ALCAM: variants seen among roughly 807,000 people sequenced by gnomAD.
ALCAM encodes the protein activated leukocyte cell adhesion molecule.
Under a neutral mutation model 70.9 loss-of-function variants are expected in ALCAM, and 30 were observed. The observed-to-expected ratio is 0.42, with a 90% CI of 0.32 to 0.57. The LOEUF is 0.57. Ranked by LOEUF, ALCAM falls within the 20% of genes least tolerant of loss-of-function variation. The pLI is 0.11. For missense variants in ALCAM, 591 were observed against 695.1 expected, an observed-to-expected ratio of 0.85 and a Z score of 1.68; for synonymous variants, 249 against 242.5, an observed-to-expected ratio of 1.03 and a Z score of -0.25.
chr3:105,497,344 A>G (rs185964689), intron 1 of ALCAM, among the ~76,000 whole-genome samples: 1 of 152,316 alleles, frequency 6.6e-6, no homozygotes, highest in Non-Finnish European at 1.5e-5. Flanking sequence ...ATATTTGTAT[A>G]AATTTCCTAA....
At chr3:105,532,232 C>T (rs1010500868) in intron 4 of ALCAM, among the ~76,000 whole-genome samples, 166 bp downstream of exon 4, 1 of 152,140 alleles carries the variant, frequency 6.6e-6, no homozygotes, top group African/African-American at 2.4e-5. Context: ...ACAACATGCT[C>T]ACAGTCTCAG....
At chr3:105,498,564 C>T (rs1293136834) in intron 1 of ALCAM, among the ~76,000 whole-genome samples, 1 of 151,872 alleles carries the variant, frequency 6.6e-6, no homozygotes, top group African/African-American at 2.4e-5. Flanking sequence ...ATTTTACCTG[C>T]CTTGATATCA....
At chr3:105,456,109 CA>C (rs905452506) in intron 1 of ALCAM, among the ~76,000 whole-genome samples, 8 of 152,008 alleles carry the variant, frequency 5.3e-5, no homozygotes, top group South Asian at 2.1e-4. Flanking sequence ...AACAAACAAA[CA>C]AAAAAGTAGG....
At chr3:105,540,468 G>A (rs2279389) in intron 7 of ALCAM, among the ~76,000 whole-genome samples, 76,209 of 151,740 alleles carry the variant, frequency 0.5, 19,473 homozygotes, top group East Asian at 0.76. Context: ...ACATTGCCCC[G>A]AACACACCTC....
chr3:105,573,230 G>A (rs1408071843), intron 15 of ALCAM, among the ~76,000 whole-genome samples: 2 of 152,158 alleles, frequency 1.3e-5, no homozygotes, highest in African/African-American at 4.8e-5. Flanking sequence ...CAGTGGCTGA[G>A]GCAGGGGAAT....
At chr3:105,469,411 A>G (rs753700194) in intron 1 of ALCAM, among the ~76,000 whole-genome samples, 9 of 151,030 alleles carry the variant, frequency 6.0e-5, no homozygotes, top group African/African-American at 1.9e-4. Flanking sequence ...TCCAGGTGCT[A>G]TGGTGGTTCC....
rs142634475 is a variant in ALCAM at position 105,399,870 on chromosome 3, C to T, written c.73+32389C>T. Among the ~76,000 whole-genome samples the T allele has an allele frequency of 3.7e-3, 559 of 152,246 alleles. 3 individuals carry two copies. Among genetic ancestry groups the T allele is most frequent in the Non-Finnish European group, 6.1e-3 (412 of 68,026 alleles). On this transcript the variant is annotated intron_variant, in intron 1 of 15. Transcript: ENST00000306107. ...GGCCTTAGAATACAGAGCATTCTTA[C>T]CCACTGGCTAAGATTAACTTGGTTA...
At chr3:105,552,697 T>C (rs767614782) in intron 14 of ALCAM, 112 bp downstream of exon 14, 13 of 1,562,078 alleles carry the variant, frequency 8.3e-6, no homozygotes, top group Admixed American at 7.4e-5. Flanking sequence ...ATAAGGAAGA[T>C]GTATCCCCAA....
chr3:105,452,851 GT>G (rs1331390195), intron 1 of ALCAM, among the ~76,000 whole-genome samples: 1 of 152,062 alleles, frequency 6.6e-6, no homozygotes, highest in Non-Finnish European at 1.5e-5. Context: ...TCATATGTTT[GT>G]TGGCTGCATA....
intron 14 of ALCAM, among the ~76,000 whole-genome samples, chr3:105,557,214 T>G (rs1043371567): frequency 1.3e-5 from 2 of 152,128 alleles, no homozygotes; most frequent in African/African-American, 4.8e-5. Context: ...GTCAGACTAA[T>G]TCAAACGTTG....
At chr3:105,516,071 T>C (rs1438966370) in intron 1 of ALCAM, among the ~76,000 whole-genome samples, 1 of 151,982 alleles carries the variant, frequency 6.6e-6, no homozygotes, top group Non-Finnish European at 1.5e-5. Flanking sequence ...ATTGGTTCAA[T>C]AAATAATAAT....
intron 12 of ALCAM, 145 bp from the exon 13 acceptor site, chr3:105,551,999 A>C: frequency 1.9e-6 from 1 of 526,842 alleles, no homozygotes. Context: ...ATACTTTATT[A>C]AGTGTGATTT....
chr3:105,523,947 T>A (rs1163771653), intron 2 of ALCAM, among the ~76,000 whole-genome samples: 2 of 152,228 alleles, frequency 1.3e-5, no homozygotes, highest in Admixed American at 1.3e-4. Flanking sequence ...GATGGTTATC[T>A]GAACATCATT....
intron 1 of ALCAM, among the ~76,000 whole-genome samples, chr3:105,426,546 C>T (rs1936795311): frequency 1.3e-5 from 2 of 151,744 alleles, no homozygotes; most frequent in South Asian, 4.1e-4. Context: ...ATATGGAATA[C>T]ATTATTGTAT....
intron 1 of ALCAM, among the ~76,000 whole-genome samples, chr3:105,476,046 T>G (rs979891745): frequency 3.9e-5 from 6 of 152,012 alleles, no homozygotes; most frequent in African/African-American, 1.4e-4. Flanking sequence ...CGAAAATGAT[T>G]CCTCCTAAGA....
chr3:105,493,245 T>C (rs1297784320), intron 1 of ALCAM, among the ~76,000 whole-genome samples: 1 of 152,154 alleles, frequency 6.6e-6, no homozygotes, highest in Non-Finnish European at 1.5e-5. Context: ...CCCTAAATAA[T>C]AACTAAGTTA....
At chr3:105,521,951 C>T (rs951563346) in intron 2 of ALCAM, among the ~76,000 whole-genome samples, 8 of 152,144 alleles carry the variant, frequency 5.3e-5, no homozygotes, top group African/African-American at 1.9e-4. Flanking sequence ...TCTATTAGTG[C>T]CAACAAAATT....
chr3:105,505,210 CTGAG>C (rs1403312554), intron 1 of ALCAM, among the ~76,000 whole-genome samples: 1 of 152,170 alleles, frequency 6.6e-6, no homozygotes, highest in Non-Finnish European at 1.5e-5. Context: ...CTACCCGAGA[CTGAG>C]TAATTTATAA....
At chr3:105,429,936 C>T (rs1434257030) in intron 1 of ALCAM, among the ~76,000 whole-genome samples, 1 of 151,676 alleles carries the variant, frequency 6.6e-6, no homozygotes, top group Non-Finnish European at 1.5e-5. Flanking sequence ...TTCAAGAGAG[C>T]CTTACTCAGT....
Sources: gnomAD v4.1 joint callset for allele counts (sites outside exome capture counted in the v4.1 genomes callset) on GRCh38, gnomAD v4.1.1 for gene constraint, MANE v1.5 for transcripts, NCBI Gene and HGNC (gene_info 2026-07-23, HGNC 2026-07-21) for gene names.